The following RPTOR variants were observed in gnomAD, a reference collection of about 807,000 sequenced individuals.
RPTOR encodes the protein regulatory associated protein of MTOR complex 1, also known as regulatory-associated protein of mTOR.
In RPTOR, 21 loss-of-function variants were observed where a neutral mutation model predicts 169.9. The ratio of observed to expected loss-of-function variants is 0.12; its 90% confidence interval spans 0.09 to 0.18. The LOEUF is 0.18. RPTOR is among the 10% of genes least tolerant of loss of function. The pLI is 1.00. For missense variants in RPTOR, 1,133 were observed against 1,855.9 expected (o/e 0.61, Z 7.16); for synonymous variants, 732 against 753.2 (o/e 0.97, Z 0.46).
At chr17:80,626,667 G>T (rs186702260) in intron 2 of RPTOR, among the ~76,000 whole-genome samples, 8 of 150,666 alleles carry the variant, frequency 5.3e-5, no homozygotes, top group African/African-American at 2.0e-4. Flanking sequence ...TTTGCTCACG[G>T]TTGTCCTGTA....
At position 80,656,564 on chromosome 17, in the gene RPTOR, A is replaced by AT. The variant is rs956552238; in HGVS notation, c.348+12762dup. Among the ~76,000 whole-genome samples, 9 of 152,088 alleles carry AT rather than the reference A, an allele frequency of 5.9e-5. 1 individual carries two copies. Among genetic ancestry groups the AT allele is most frequent in the South Asian group, 4.2e-4 (2 of 4,814 alleles). ...ATGTGCCTTCTGTTTTAAAACCATG[A>AT]TTTTTTTTACTTTAATAATAGGCAA... On this transcript the variant is annotated intron_variant, in intron 3 of 33. Coordinates refer to ENST00000306801, the MANE Select transcript of RPTOR (RefSeq NM_020761.3).
chr17:80,890,279 G>GA (rs1288223973), intron 17 of RPTOR, among the ~76,000 whole-genome samples: 1 of 152,216 alleles, frequency 6.6e-6, no homozygotes, highest in Non-Finnish European at 1.5e-5. Context: ...GAAGGAAAGG[G>GA]AAAAAAATCG....
chr17:80,751,371 G>A (rs563275994), intron 5 of RPTOR, among the ~76,000 whole-genome samples: 5 of 152,322 alleles, frequency 3.3e-5, no homozygotes, highest in African/African-American at 7.2e-5. Context: ...AGGGCAGTCC[G>A]TGTCATCTTT....
intron 1 of RPTOR, among the ~76,000 whole-genome samples, chr17:80,566,924 C>A (rs1309643100): frequency 6.8e-6 from 1 of 147,414 alleles, no homozygotes; most frequent in East Asian, 2.0e-4. Context: ...TAAACAGCAA[C>A]AACAAAATAT....
At chr17:80,763,597 T>C (rs2066756582) in intron 6 of RPTOR, among the ~76,000 whole-genome samples, 1 of 152,124 alleles carries the variant, frequency 6.6e-6, no homozygotes, top group Non-Finnish European at 1.5e-5. Context: ...AATACGACTT[T>C]TGTCACCGAA....
At chr17:80,685,277 T>C (rs1020288093) in intron 3 of RPTOR, among the ~76,000 whole-genome samples, 3 of 149,954 alleles carry the variant, frequency 2.0e-5, no homozygotes, top group African/African-American at 7.5e-5. Flanking sequence ...TTAATTTGAA[T>C]TATTTTTATT....
intron 1 of RPTOR, among the ~76,000 whole-genome samples, chr17:80,606,222 G>A (rs1349069718): frequency 6.6e-6 from 1 of 151,888 alleles, no homozygotes; most frequent in Non-Finnish European, 1.5e-5. Flanking sequence ...ATGTTAGCCA[G>A]GGTGGTCTCG....
rs186005260 is a variant in RPTOR, at chr17:80,667,300, C to T, written c.348+23490C>T. Among the ~76,000 whole-genome samples the T allele has an allele frequency of 6.2e-3, 949 of 152,152 alleles. 4 individuals carry two copies. The highest frequency in any genetic ancestry group is 8.3e-3 in the Non-Finnish European group (561 of 67,996). ...GAGGTGGTGACGTCTGAGCTGGGAG[C>T]GAAGGGAGACCAGGGCTGGGCAAGG... On this transcript the variant is annotated intron_variant, in intron 3 of 33. Transcript: ENST00000306801.
chr17:80,578,406 T>A lies in RPTOR; in HGVS notation c.162+32615T>A, dbSNP rs2064985081. On this transcript the variant is annotated intron_variant, in intron 1 of 33. Coordinates refer to ENST00000306801, the MANE Select transcript of RPTOR (RefSeq NM_020761.3). Reference sequence around the variant, plus strand: ...GGGAACACAGGGTATCTTGCAGTCGTGATTTCTGATCAACACAAGCTGTCC... The same window carrying A: ...GGGAACACAGGGTATCTTGCAGTCGAGATTTCTGATCAACACAAGCTGTCC... Among the ~76,000 whole-genome samples, 4 of 152,144 alleles carry A rather than the reference T, an allele frequency of 2.6e-5. No individual in the cohort carries two copies. In the South Asian group the frequency reaches 8.3e-4, roughly 31 times the overall value.
chr17:80,839,993 C>A (rs2067609703), intron 10 of RPTOR, among the ~76,000 whole-genome samples: 1 of 152,142 alleles, frequency 6.6e-6, no homozygotes, highest in Non-Finnish European at 1.5e-5. Flanking sequence ...TGACGTGGAC[C>A]ACACACTAGG....
At chr17:80,685,627 A>ATATATTTTTTTTTTTT (rs1269766086) in intron 3 of RPTOR, among the ~76,000 whole-genome samples, 1 of 30,686 alleles carries the variant, frequency 3.3e-5, no homozygotes, top group Non-Finnish European at 5.4e-5. Context: ...ATATATATAT[A>ATATATTTTTTTTTTTT]TTTTTTTTTT....
At chr17:80,578,404 C>T (rs999338343) in intron 1 of RPTOR, among the ~76,000 whole-genome samples, 8 of 152,156 alleles carry the variant, frequency 5.3e-5, no homozygotes, top group East Asian at 1.9e-4. Context: ...ATCTTGCAGT[C>T]GTGATTTCTG....
At chr17:80,732,512 A>G (rs1286587908) in intron 5 of RPTOR, among the ~76,000 whole-genome samples, 3 of 152,234 alleles carry the variant, frequency 2.0e-5, no homozygotes, top group East Asian at 1.9e-4. Context: ...TTTAGGAAAA[A>G]AAAATGTTTG....
intron 4 of RPTOR, among the ~76,000 whole-genome samples, chr17:80,716,671 A>G (rs2066241917): frequency 1.3e-5 from 2 of 152,074 alleles, no homozygotes; most frequent in South Asian, 2.1e-4. Context: ...GGTTTTTCCA[A>G]TGTTATCTTC....
rs150325616 is a variant in RPTOR at position 80,646,847 on chromosome 17, G to A, written c.348+3037G>A. Among the ~76,000 whole-genome samples the A allele has an allele frequency of 4.5e-4, 68 of 152,224 alleles. No individual in the cohort carries two copies. The highest frequency in any genetic ancestry group is 7.6e-4 in the Non-Finnish European group (52 of 68,018). ...ATTTTCATTAAAGTTTGTCGGAGTC[G>A]TTGCCTCCACGCTGGCATGGATGGG... is the stretch of plus-strand genomic sequence containing the variant. On this transcript the variant is annotated intron_variant, in intron 3 of 33. Transcript: ENST00000306801. This position sits in a 1 kb window ranked among gnomAD's most constrained non-coding sequence, Gnocchi z 5.0.
rs143807150 is a variant in RPTOR, at chr17:80,791,609, G to C, written c.890+100G>C. 2.8e-4 allele frequency: 284 copies of C among 1,001,198 alleles called. 1 individual carries two copies. In the East Asian group the frequency reaches 6.4e-3, roughly 22 times the overall value. 62.0% of individuals were successfully genotyped at this position (1,001,198 alleles called of 1,614,324 possible). ...CTCAGAAGTACTTTCTATCAACATGGCATGTTCCCTTTCATGTGGCTGTGT... is the reference window on the plus strand; with the variant it reads ...CTCAGAAGTACTTTCTATCAACATGCCATGTTCCCTTTCATGTGGCTGTGT... On this transcript the variant is annotated intron_variant, in intron 7 of 33. Coordinates refer to ENST00000306801, the MANE Select transcript of RPTOR (RefSeq NM_020761.3).
At chr17:80,784,240 CAA>C (rs11356208) in intron 6 of RPTOR, among the ~76,000 whole-genome samples, 4 of 148,748 alleles carry the variant, frequency 2.7e-5, no homozygotes, top group South Asian at 2.1e-4. Flanking sequence ...AGGCATGAGC[CAA>C]AAAAAAAAAC....
Position 80,680,173 on chromosome 17 carries a change from C to T in RPTOR, c.349-27668C>T, listed in dbSNP as rs149897860. Among the ~76,000 whole-genome samples the T allele has an allele frequency of 4.5e-3, 685 of 152,382 alleles. 6 individuals carry two copies. Among genetic ancestry groups the T allele is most frequent in the African/African-American group, 0.016 (655 of 41,598 alleles). ...CTCTCTTCCTCCAGGCACATCTTCTCACCAGAACTCCAGCCCTGCACCTCA... is the reference window on the plus strand; with the variant it reads ...CTCTCTTCCTCCAGGCACATCTTCTTACCAGAACTCCAGCCCTGCACCTCA... On this transcript the variant is annotated intron_variant, in intron 3 of 33. Transcript: ENST00000306801.
chr17:80,667,630 T>G (rs2065790759), intron 3 of RPTOR, among the ~76,000 whole-genome samples: 1 of 152,230 alleles, frequency 6.6e-6, no homozygotes, highest in African/African-American at 2.4e-5. Flanking sequence ...CCCATGACCT[T>G]TGTTTAGCTG....
Sources: allele counts gnomAD v4.1 joint callset (sites outside exome capture counted in the v4.1 genomes callset), GRCh38; gene constraint gnomAD v4.1.1; non-coding constraint Gnocchi (gnomAD v3.1); transcripts MANE v1.5; gene names NCBI Gene and HGNC (gene_info 2026-07-23, HGNC 2026-07-21).